FHIT: variants seen among roughly 807,000 people sequenced by gnomAD.
The protein encoded by FHIT is bis(5'-adenosyl)-triphosphatase.
A neutral mutation model predicts 17.9 loss-of-function variants in FHIT; 19 were observed. The observed-to-expected ratio is 1.06, with a 90% CI of 0.74 to 1.56. The LOEUF is 1.56. Among genes scored for constraint, FHIT ranks in the 40% most tolerant of loss-of-function variants. The pLI, the probability that FHIT is intolerant of heterozygous loss-of-function variation, is 0.00. For synonymous variants in FHIT, 81 were observed against 69.7 expected, an observed-to-expected ratio of 1.16 and a Z score of -0.81; for missense variants, 248 against 189.2, an observed-to-expected ratio of 1.31 and a Z score of -1.82.
chr3:60,242,784 TAGAC>T (rs1315688230), intron 5 of FHIT, among the ~76,000 whole-genome samples: 1 of 152,090 alleles, frequency 6.6e-6, no homozygotes, highest in Non-Finnish European at 1.5e-5. Context: ...AAAACTCTAT[TAGAC>T]AGCACTGCTT....
chr3:61,098,550 C>T (rs1318035176), intron 2 of FHIT, among the ~76,000 whole-genome samples: 1 of 152,174 alleles, frequency 6.6e-6, no homozygotes, highest in Non-Finnish European at 1.5e-5. Flanking sequence ...GCCATATGGC[C>T]ATTTGCATGA....
At chr3:60,819,423 C>G (rs2106758076) in intron 4 of FHIT, among the ~76,000 whole-genome samples, 1 of 152,308 alleles carries the variant, frequency 6.6e-6, no homozygotes, top group East Asian at 1.9e-4. Context: ...AGAATCATGA[C>G]TACCAGTGAT....
At chr3:60,663,597 G>A (rs966987217) in intron 4 of FHIT, among the ~76,000 whole-genome samples, 8 of 151,752 alleles carry the variant, frequency 5.3e-5, no homozygotes, top group Non-Finnish European at 8.8e-5. Flanking sequence ...CACCATGCCC[G>A]GCTAATTTTT....
intron 3 of FHIT, among the ~76,000 whole-genome samples, chr3:61,025,535 C>T (rs1388095653): frequency 6.6e-6 from 1 of 151,928 alleles, no homozygotes; most frequent in Non-Finnish European, 1.5e-5. Context: ...ATCAACAAGG[C>T]ACTAACAGAA....
chr3:61,134,678 A>C (rs2036862900), intron 2 of FHIT, among the ~76,000 whole-genome samples: 1 of 152,160 alleles, frequency 6.6e-6, no homozygotes. Context: ...AGTTTATGTG[A>C]GAGATGACTC....
At chr3:60,126,546 T>C (rs1705559940) in intron 5 of FHIT, among the ~76,000 whole-genome samples, 1 of 152,214 alleles carries the variant, frequency 6.6e-6, no homozygotes, top group Non-Finnish European at 1.5e-5. Flanking sequence ...GTTGTATACC[T>C]GAGGTTGCTA....
At chr3:60,683,280 G>A (rs1278438132) in intron 4 of FHIT, among the ~76,000 whole-genome samples, 2 of 152,118 alleles carry the variant, frequency 1.3e-5, no homozygotes, top group African/African-American at 4.8e-5. Context: ...TAAAATGCTG[G>A]CAAACAGTGC....
intron 3 of FHIT, among the ~76,000 whole-genome samples, chr3:60,852,657 A>T (rs1316550147): frequency 6.6e-6 from 1 of 152,084 alleles, no homozygotes; most frequent in Non-Finnish European, 1.5e-5. Context: ...AATTTAATGT[A>T]TCAAGAAAGG....
At chr3:61,125,831 T>G (rs1256284407) in intron 2 of FHIT, among the ~76,000 whole-genome samples, 1 of 152,206 alleles carries the variant, frequency 6.6e-6, no homozygotes, top group Non-Finnish European at 1.5e-5. Flanking sequence ...AAGGAAATTT[T>G]TTTAAATGAC....
intron 5 of FHIT, among the ~76,000 whole-genome samples, chr3:60,270,174 G>T (rs530561770): frequency 1.3e-5 from 2 of 152,246 alleles, no homozygotes; most frequent in South Asian, 4.2e-4. Context: ...ACCAGGCCAC[G>T]CAGGCGCATG....
intron 4 of FHIT, among the ~76,000 whole-genome samples, chr3:60,754,624 T>A (rs2042536784): frequency 1.3e-5 from 2 of 151,740 alleles, no homozygotes; most frequent in African/African-American, 4.8e-5. Flanking sequence ...AGAGTGAAAC[T>A]CTGTCTCAAA....
chr3:60,924,771 G>A (rs886677733), intron 3 of FHIT, among the ~76,000 whole-genome samples: 3 of 152,020 alleles, frequency 2.0e-5, no homozygotes, highest in Admixed American at 2.0e-4. Context: ...ACCTAAAGGA[G>A]GAAGTTTGAA....
At chr3:60,144,846 G>A (rs564596397) in intron 5 of FHIT, among the ~76,000 whole-genome samples, 1 of 152,132 alleles carries the variant, frequency 6.6e-6, no homozygotes, top group East Asian at 1.9e-4. Flanking sequence ...CTCCTATCTG[G>A]CTGTTGATTG....
At chr3:60,302,411 T>G (rs1161303435) in intron 5 of FHIT, among the ~76,000 whole-genome samples, 1 of 152,084 alleles carries the variant, frequency 6.6e-6, no homozygotes, top group Admixed American at 6.6e-5. Context: ...TCTTAGGGCC[T>G]CTGACATTTA....
chr3:59,987,548 T>C (rs1709040262), intron 7 of FHIT, among the ~76,000 whole-genome samples: 1 of 152,096 alleles, frequency 6.6e-6, no homozygotes, highest in Admixed American at 6.6e-5. Context: ...GCAAACTGTA[T>C]TAAGACACAG....
chr3:60,769,154 C>G (rs575448657), intron 4 of FHIT, among the ~76,000 whole-genome samples: 115 of 152,202 alleles, frequency 7.6e-4, no homozygotes, highest in African/African-American at 2.7e-3. Context: ...ATTCCATAGT[C>G]TCACCTAGTA....
At chr3:60,522,429 T>C (rs1412227165) in intron 5 of FHIT, among the ~76,000 whole-genome samples, 1 of 152,214 alleles carries the variant, frequency 6.6e-6, no homozygotes, top group African/African-American at 2.4e-5. Context: ...CATAATTTCT[T>C]AATGCAAAGG....
intron 5 of FHIT, among the ~76,000 whole-genome samples, chr3:60,114,051 AT>A (rs1704827096): frequency 2.5e-5 from 2 of 79,752 alleles, no homozygotes; most frequent in Non-Finnish European, 4.9e-5. Flanking sequence ...ATATATATAT[AT>A]ATATATATAT....
intron 5 of FHIT, among the ~76,000 whole-genome samples, chr3:60,534,163 C>T (rs1235984923): frequency 1.3e-5 from 2 of 150,378 alleles, no homozygotes. Flanking sequence ...CGCGGTGGCT[C>T]ACGCCTGTAA....
Sources: gnomAD v4.1 joint callset for allele counts (sites outside exome capture counted in the v4.1 genomes callset) on GRCh38, gnomAD v4.1.1 for gene constraint, MANE v1.5 for transcripts, NCBI Gene and HGNC (gene_info 2026-07-23, HGNC 2026-07-21) for gene names.